The following CAST variants were observed in gnomAD, a reference collection of about 807,000 sequenced individuals.
The protein encoded by CAST is MIR583 host.
In CAST, 76 loss-of-function variants were observed where a neutral mutation model predicts 119.6. That is an observed-to-expected ratio of 0.64 (90% CI 0.53 to 0.77). CAST has a LOEUF of 0.77. Ranked by LOEUF, CAST falls within the 30% of genes least tolerant of loss-of-function variation. CAST has a pLI of 0.00. For missense variants in CAST, 953 were observed against 946.5 expected (o/e 1.01, Z -0.09); for synonymous variants, 319 against 331.6 (o/e 0.96, Z 0.41).
the CAST span, among the ~76,000 whole-genome samples, chr5:96,298,060 T>C: frequency 6.6e-6 from 1 of 152,202 alleles, no homozygotes; most frequent in Non-Finnish European, 1.5e-5. Flanking sequence ...GGTATTTGCT[T>C]AATGCTAAAT....
chr5:96,598,587 C>T (rs1017832088), intron 1 of CAST, among the ~76,000 whole-genome samples: 4 of 152,176 alleles, frequency 2.6e-5, no homozygotes, highest in African/African-American at 7.2e-5. Flanking sequence ...CATTGTCCTA[C>T]CTCCGTTTTT....
At chr5:96,751,024 C>G (rs1764933664) in intron 20 of CAST, among the ~76,000 whole-genome samples, 1 of 152,128 alleles carries the variant, frequency 6.6e-6, no homozygotes, top group South Asian at 2.1e-4. Flanking sequence ...TTTTTACTGA[C>G]TTTCCTGGTA....
chr5:96,677,301 T>C (rs1440200942), intron 2 of CAST, among the ~76,000 whole-genome samples: 1 of 152,228 alleles, frequency 6.6e-6, no homozygotes, highest in Non-Finnish European at 1.5e-5. Flanking sequence ...GTCAAGTGGA[T>C]GCAAAGCCAA....
At chr5:96,069,162 T>C in the CAST span, among the ~76,000 whole-genome samples, 1 of 151,792 alleles carries the variant, frequency 6.6e-6, no homozygotes, top group East Asian at 2.0e-4. Flanking sequence ...TATGTATACA[T>C]TGGTGTATGT....
chr5:96,621,320 AG>A (rs1341749346), intron 1 of CAST, among the ~76,000 whole-genome samples: 2 of 152,238 alleles, frequency 1.3e-5, no homozygotes, highest in African/African-American at 2.4e-5. Flanking sequence ...AATTTAATCA[AG>A]ATGGAGGTTT....
At chr5:96,664,222 T>A (rs897970483) in intron 1 of CAST, among the ~76,000 whole-genome samples, 3 of 152,194 alleles carry the variant, frequency 2.0e-5, no homozygotes, top group Non-Finnish European at 2.9e-5. Flanking sequence ...TGTTTTTTTT[T>A]AGATTATTTT....
At chr5:96,091,282 A>G in the CAST span, among the ~76,000 whole-genome samples, 3 of 151,016 alleles carry the variant, frequency 2.0e-5, no homozygotes, top group Non-Finnish European at 4.4e-5. Context: ...GGCTCACTGC[A>G]ACCTCTACCT....
At chr5:96,351,716 C>T in the CAST span, among the ~76,000 whole-genome samples, 1 of 151,942 alleles carries the variant, frequency 6.6e-6, no homozygotes, top group African/African-American at 2.4e-5. Context: ...TGTTAGAAAA[C>T]AGTCTTTAAA....
chr5:96,300,687 G>A, the CAST span, among the ~76,000 whole-genome samples: 1 of 152,028 alleles, frequency 6.6e-6, no homozygotes, highest in Non-Finnish European at 1.5e-5. Context: ...ACTTTGGATA[G>A]TATGAATATT....
At chr5:96,013,733 A>C in the CAST span, among the ~76,000 whole-genome samples, 3 of 152,146 alleles carry the variant, frequency 2.0e-5, no homozygotes, top group African/African-American at 7.2e-5. Flanking sequence ...ACAAAATTAT[A>C]ATACAATGGT....
chr5:96,022,647 G>C, the CAST span, among the ~76,000 whole-genome samples: 1,495 of 152,274 alleles, frequency 9.8e-3, 31 homozygotes, highest in African/African-American at 0.034. Flanking sequence ...ATAAAGCTCT[G>C]TGTCAGTCAG....
chr5:96,083,077 G>T, the CAST span, among the ~76,000 whole-genome samples: 1 of 152,226 alleles, frequency 6.6e-6, no homozygotes, highest in African/African-American at 2.4e-5. Flanking sequence ...GGTTTAGATT[G>T]TAGCACTTAG....
At chr5:96,650,086 C>T (rs1040140317) in intron 1 of CAST, among the ~76,000 whole-genome samples, 7 of 152,254 alleles carry the variant, frequency 4.6e-5, no homozygotes, top group Non-Finnish European at 1.0e-4. Context: ...CAGAACCAGC[C>T]CTTTGCAGCC....
chr5:96,421,604 A>G, the CAST span, among the ~76,000 whole-genome samples: 1 of 152,242 alleles, frequency 6.6e-6, no homozygotes, highest in Non-Finnish European at 1.5e-5. Context: ...TTATGTCTCA[A>G]ACATTCTTTC....
upstream of CAST, chr5:96,661,930 G>C (rs1346948500): frequency 6.5e-6 from 1 of 154,544 alleles, no homozygotes; most frequent in Non-Finnish European, 1.4e-5. Context: ...GCTTGGGCCA[G>C]ATTTGAGTTG....
chr5:96,432,954 T>C, the CAST span: 1 of 1,614,196 alleles, frequency 6.2e-7, no homozygotes, highest in Non-Finnish European at 8.5e-7. Flanking sequence ...ATTGACAAAT[T>C]GCCTTTTCGC....
the CAST span, among the ~76,000 whole-genome samples, chr5:96,347,561 G>A: frequency 1.6e-4 from 24 of 152,112 alleles, 2 homozygotes; most frequent in East Asian, 3.1e-3. Flanking sequence ...CATCACTGGC[G>A]GGTCCTCAGT....
the CAST span, among the ~76,000 whole-genome samples, chr5:96,452,075 C>G: frequency 6.6e-6 from 1 of 152,232 alleles, no homozygotes; most frequent in African/African-American, 2.4e-5. Context: ...TTGTGGAAGA[C>G]AGTGTGGTGA....
the CAST span, among the ~76,000 whole-genome samples, chr5:96,264,460 A>G: frequency 2.0e-5 from 3 of 150,970 alleles, no homozygotes; most frequent in Non-Finnish European, 4.4e-5. Flanking sequence ...GGAAAAATGA[A>G]AGAAAAACCT....
Sources: gnomAD v4.1 joint callset for allele counts (sites outside exome capture counted in the v4.1 genomes callset) on GRCh38, gnomAD v4.1.1 for gene constraint, MANE v1.5 for transcripts, NCBI Gene and HGNC (gene_info 2026-07-23, HGNC 2026-07-21) for gene names.